PDSS1: variants seen among roughly 807,000 people sequenced by gnomAD.
PDSS1 encodes the protein all trans-polyprenyl-diphosphate synthase PDSS1.
In PDSS1, 43 loss-of-function variants were observed where a neutral mutation model predicts 57.5. The observed-to-expected ratio is 0.75, with a 90% CI of 0.59 to 0.96. PDSS1 has a LOEUF of 0.96. Ranked by LOEUF, PDSS1 falls within the 50% of genes least tolerant of loss-of-function variation. The pLI is 0.00. For synonymous variants in PDSS1, 175 were observed against 191.3 expected (o/e 0.91, Z 0.70); for missense variants, 438 against 527.8 (o/e 0.83, Z 1.67).
rs141353520 is a variant in PDSS1 at position 26,719,490 on chromosome 10, C to T, written c.468-728C>T. Among the ~76,000 whole-genome samples, 31 of 152,312 alleles carry T rather than the reference C, an allele frequency of 2.0e-4. 1 individual carries two copies. In the East Asian group the frequency reaches 5.8e-3, roughly 28 times the overall value. On this transcript the variant is annotated intron_variant, in intron 5 of 11. Transcript: ENST00000376215. The stretch of plus-strand genomic sequence containing the variant: ...ACGTTTAATTTAAGACATTACTACG[C>T]GGGGTGCGGTGGCTTACGCCTGTAA...
chr10:26,724,836 G>A (rs1347024941), intron 8 of PDSS1, among the ~76,000 whole-genome samples: 2 of 152,126 alleles, frequency 1.3e-5, no homozygotes, highest in East Asian at 1.9e-4. Flanking sequence ...CCTTGGCCCT[G>A]CAAAGTACTG....
At chr10:26,701,947 C>T in intron 1 of PDSS1, 1 of 422,602 alleles carries the variant, frequency 2.4e-6, no homozygotes. Flanking sequence ...CTTGGGAGCC[C>T]ACCCTTTGCA....
intron 8 of PDSS1, 43 bp downstream of exon 8, chr10:26,724,166 C>CT: frequency 7.6e-7 from 1 of 1,315,274 alleles, no homozygotes; most frequent in Non-Finnish European, 1.1e-6. Flanking sequence ...CCTCATAGCT[C>CT]TTTTTTGGGA....
chr10:26,709,949 G>C (rs564108464), intron 5 of PDSS1, among the ~76,000 whole-genome samples, 181 bp downstream of exon 5: 14 of 151,886 alleles, frequency 9.2e-5, no homozygotes, highest in Non-Finnish European at 2.1e-4. Context: ...TCAGGAGTTT[G>C]AGACCAGCCT....
intron 10 of PDSS1, among the ~76,000 whole-genome samples, chr10:26,741,340 C>T (rs1031069491): frequency 6.6e-6 from 1 of 152,012 alleles, no homozygotes; most frequent in Non-Finnish European, 1.5e-5. Context: ...CAAAATTAGC[C>T]GGGTGTGGTG....
intron 8 of PDSS1, among the ~76,000 whole-genome samples, chr10:26,730,468 G>T (rs1005090028): frequency 1.3e-5 from 2 of 151,804 alleles, no homozygotes; most frequent in Non-Finnish European, 2.9e-5. Flanking sequence ...AATTAGCTGG[G>T]TGTGGTAGTG....
At chr10:26,739,845 T>A (rs958128791) in intron 10 of PDSS1, among the ~76,000 whole-genome samples, 4 of 152,098 alleles carry the variant, frequency 2.6e-5, no homozygotes, top group African/African-American at 9.6e-5. Flanking sequence ...CTATAAAAAA[T>A]TTAAAAATTG....
At chr10:26,703,503 G>C (rs373505174) in intron 2 of PDSS1, among the ~76,000 whole-genome samples, 1 of 152,016 alleles carries the variant, frequency 6.6e-6, no homozygotes, top group African/African-American at 2.4e-5. Context: ...TACTGAAGAA[G>C]TTTTACTCTT....
In PDSS1 at chr10:26,697,812, C is replaced by T; in HGVS notation, c.101C>T (p.Pro34Leu). 7.5e-7 allele frequency: 1 copy of T among 1,341,508 alleles called. No homozygotes were observed. Among genetic ancestry groups the T allele is most frequent in the Non-Finnish European group, 9.6e-7 (1 of 1,041,428 alleles). The allele number at this position is 1,341,508 out of a possible 1,614,324, so 83.1% of individuals were successfully genotyped here. ...CCCGGCCGTGCGGGACCGTTGGGGCCGAGCGCCGCTGCCGAAGTCCGCGCG... is the reference window on the plus strand; with the variant it reads ...CCCGGCCGTGCGGGACCGTTGGGGCTGAGCGCCGCTGCCGAAGTCCGCGCG... Reference protein sequence around the residue: ...GSPGRAGPLGPSAAAEVRAQV... With the variant: ...GSPGRAGPLGLSAAAEVRAQV... The change falls in exon 1 of 12, where the codon CCG (proline) becomes CTG (leucine). Residue 34 changes from proline (P) to leucine (L), a missense_variant. By Grantham distance (98) the Pro-to-Leu change is moderately conservative. Transcript: ENST00000376215.
At chr10:26,701,576 C>G (rs1449800881) in intron 1 of PDSS1, among the ~76,000 whole-genome samples, 1 of 152,188 alleles carries the variant, frequency 6.6e-6, no homozygotes, top group African/African-American at 2.4e-5. Context: ...TGCTGCTGAG[C>G]CTGCAAGGTG....
At chr10:26,742,957 T>G (rs1836682657) in intron 11 of PDSS1, among the ~76,000 whole-genome samples, 1 of 152,146 alleles carries the variant, frequency 6.6e-6, no homozygotes, top group African/African-American at 2.4e-5. Flanking sequence ...CTCATCCATG[T>G]CCCCATCCAT....
intron 4 of PDSS1, among the ~76,000 whole-genome samples, chr10:26,705,956 G>A (rs1588671098): frequency 6.6e-6 from 1 of 152,210 alleles, no homozygotes; most frequent in East Asian, 1.9e-4. Context: ...GCTCATGCTT[G>A]TCCAATGAGT....
At chr10:26,723,681 A>G (rs1311168480) in intron 6 of PDSS1, 125 bp from the exon 7 acceptor site, 5 of 762,908 alleles carry the variant, frequency 6.6e-6, no homozygotes. Flanking sequence ...AGAAGAAGGT[A>G]AAAAACCCTG....
chr10:26,742,831 G>A (rs1284984011), intron 11 of PDSS1, among the ~76,000 whole-genome samples: 1 of 152,060 alleles, frequency 6.6e-6, no homozygotes, highest in African/African-American at 2.4e-5. Flanking sequence ...CTTTTAAAAG[G>A]TACCTAAGTG....
intron 11 of PDSS1, among the ~76,000 whole-genome samples, chr10:26,745,456 A>G (rs1221865356): frequency 6.6e-6 from 1 of 152,202 alleles, no homozygotes; most frequent in Non-Finnish European, 1.5e-5. Flanking sequence ...AAAACAACTA[A>G]AGACAGCAGT....
intron 11 of PDSS1, among the ~76,000 whole-genome samples, chr10:26,745,722 C>T (rs544247866): frequency 1.2e-4 from 18 of 152,190 alleles, no homozygotes; most frequent in African/African-American, 4.1e-4. Flanking sequence ...TGGCACGCGC[C>T]TGTAGTCCCA....
intron 5 of PDSS1, among the ~76,000 whole-genome samples, chr10:26,714,302 C>T (rs1314423434): frequency 6.6e-6 from 1 of 151,912 alleles, no homozygotes; most frequent in African/African-American, 2.4e-5. Context: ...GGTGAAACCC[C>T]ATCTCTACAA....
At chr10:26,726,121 A>C (rs1835940766) in intron 8 of PDSS1, among the ~76,000 whole-genome samples, 2 of 152,216 alleles carry the variant, frequency 1.3e-5, no homozygotes, top group Admixed American at 6.5e-5. Context: ...GTCATGATAG[A>C]GAGGTTTCCT....
chr10:26,732,504 T>C (rs759540298), intron 8 of PDSS1, among the ~76,000 whole-genome samples: 1 of 150,126 alleles, frequency 6.7e-6, no homozygotes, highest in Non-Finnish European at 1.5e-5. Context: ...TTGCCCAGCA[T>C]AGAAGCAGCA....
Sources: allele counts gnomAD v4.1 joint callset (sites outside exome capture counted in the v4.1 genomes callset), GRCh38; gene constraint gnomAD v4.1.1; transcripts MANE v1.5; gene names NCBI Gene and HGNC (gene_info 2026-07-23, HGNC 2026-07-21).